OPA3: variants seen among roughly 807,000 people sequenced by gnomAD.
OPA3 encodes optic atrophy 3 protein.
A neutral mutation model predicts 4.0 loss-of-function variants in OPA3; 6 were observed. The observed-to-expected ratio is 1.51, with a 90% CI of 0.83 to 2.99. OPA3 has a LOEUF of 2.99. Ranked by LOEUF, OPA3 falls within the 30% of genes most tolerant of loss-of-function variation. The probability of loss-of-function intolerance (pLI) is 0.00; values close to 1 mark genes in which losing one functional copy is unlikely to be tolerated. For missense variants in OPA3, 235 were observed against 256.2 expected, an observed-to-expected ratio of 0.92 and a Z score of 0.56; for synonymous variants, 105 against 117.1, an observed-to-expected ratio of 0.90 and a Z score of 0.67.
At chr19:45,579,110 A>G (rs766051636) in intron 1 of OPA3, among the ~76,000 whole-genome samples, 1 of 152,130 alleles carries the variant, frequency 6.6e-6, no homozygotes, top group Non-Finnish European at 1.5e-5. Flanking sequence ...GCATATTTTC[A>G]GTGAGTTCTC....
chr19:45,581,472 G>C (rs987460961), intron 1 of OPA3, among the ~76,000 whole-genome samples: 6 of 152,212 alleles, frequency 3.9e-5, no homozygotes, highest in African/African-American at 1.4e-4. Context: ...TGCCATGTCA[G>C]GTGCCCAGTG....
intron 1 of OPA3, among the ~76,000 whole-genome samples, chr19:45,569,389 G>A (rs1969628529): frequency 6.6e-6 from 1 of 152,298 alleles, no homozygotes; most frequent in African/African-American, 2.4e-5. Flanking sequence ...AACCCAGGAG[G>A]CAGAGGTTGT....
chr19:45,546,498 G>GTTT lies in OPA3; in HGVS notation c.*7015_*7016insAAA. The GTTT allele has an allele frequency of 3.4e-6, 2 of 586,818 alleles. No individual in the cohort carries two copies. The highest frequency in any genetic ancestry group is 2.1e-6 in the Non-Finnish European group (1 of 468,664). 36.4% of individuals were successfully genotyped at this position (586,818 alleles called of 1,614,324 possible). A position where few individuals can be genotyped will look rare whatever the true frequency, so the allele number is the denominator to read the frequency against. ...GCACACGATGGATTACATAAACTCT[G>GTTT]CTTTTTTTTTTTTTTGAGACAGGGT... On this transcript the variant is annotated 3_prime_UTR_variant, in exon 2 of 2. Coordinates refer to ENST00000263275, the MANE Select transcript of OPA3 (RefSeq NM_025136.4).
At chr19:45,569,662 G>C (rs1969632856) in intron 1 of OPA3, among the ~76,000 whole-genome samples, 1 of 152,028 alleles carries the variant, frequency 6.6e-6, no homozygotes, top group African/African-American at 2.4e-5. Flanking sequence ...GGAGTTTCCT[G>C]GGGGCTTCTG....
intron 1 of OPA3, among the ~76,000 whole-genome samples, chr19:45,540,498 C>A (rs1355378380): frequency 5.4e-5 from 8 of 146,910 alleles, no homozygotes; most frequent in Non-Finnish European, 8.9e-5. Flanking sequence ...GAGGTTGAGG[C>A]TGCAGTGAGC....
chr19:45,545,164 CA>C (rs779193252), downstream of OPA3, among the ~76,000 whole-genome samples: 9 of 40,818 alleles, frequency 2.2e-4, no homozygotes, highest in East Asian at 3.6e-3. Flanking sequence ...GACACCGTCT[CA>C]AAAAAAAAAA....
intron 1 of OPA3, among the ~76,000 whole-genome samples, chr19:45,560,160 G>C (rs1969482904): frequency 6.6e-6 from 1 of 151,942 alleles, no homozygotes. Context: ...TCTCCTCCCT[G>C]AACTCTCTCC....
chr19:45,553,643 C>T lies in OPA3; in HGVS notation c.411G>A (p.Gln137=). The stretch of plus-strand genomic sequence containing the variant: ...GTGGCGGCGCCGCCTGCACCTGCGC[C>T]TGCAGCGCTTCCAGCGCCAGCGCCA... The part of the protein sequence containing the change: ...GHLALALEAL[Q]AQVQAAPPQG... The change falls in exon 2 of 2, where the codon CAG becomes CAA. Residue 137 remains glutamine (Q), a synonymous_variant. Transcript: ENST00000263275. The T allele has an allele frequency of 6.2e-7, 1 of 1,606,014 alleles. No individual in the cohort carries two copies. Among genetic ancestry groups the T allele is most frequent in the Non-Finnish European group, 8.5e-7 (1 of 1,178,430 alleles).
At chr19:45,540,364 G>A (rs1397162261) in intron 1 of OPA3, among the ~76,000 whole-genome samples, 1 of 151,566 alleles carries the variant, frequency 6.6e-6, no homozygotes, top group African/African-American at 2.4e-5. Flanking sequence ...AACAAAGGGT[G>A]AGTTTCATGG....
At chr19:45,562,358 A>G (rs1157560790) in intron 1 of OPA3, among the ~76,000 whole-genome samples, 57 of 146,158 alleles carry the variant, frequency 3.9e-4, no homozygotes, top group East Asian at 1.2e-3. Flanking sequence ...AAAAAAAAAA[A>G]AAAAAGAAAA....
intron 1 of OPA3, among the ~76,000 whole-genome samples, chr19:45,576,257 G>A (rs961085029): frequency 2.6e-5 from 4 of 151,332 alleles, no homozygotes; most frequent in South Asian, 2.1e-4. Context: ...AAAACTGGGC[G>A]CAGTGGCTCA....
In OPA3 at chr19:45,550,613, C is replaced by T. The variant is rs1969318322; in HGVS notation, c.*2901G>A. The T allele has an allele frequency of 1.0e-6, 1 of 985,974 alleles. No individual in the cohort carries two copies. Among genetic ancestry groups the T allele is most frequent in the South Asian group, 4.7e-5 (1 of 21,294 alleles). The allele number at this position is 985,974 out of a possible 1,614,324, so 61.1% of individuals were successfully genotyped here. On this transcript the variant is annotated 3_prime_UTR_variant, in exon 2 of 2. Coordinates refer to ENST00000263275, the MANE Select transcript of OPA3 (RefSeq NM_025136.4). The stretch of plus-strand genomic sequence containing the variant: ...CCCTCACTGGCTGTGGCATCTCTGG[C>T]AAGTCCCTTTGCTTACCCCTGGCCT...
chr19:45,553,274 T>C lies in OPA3; in HGVS notation c.*240A>G. On this transcript the variant is annotated 3_prime_UTR_variant, in exon 2 of 2. Coordinates refer to ENST00000263275, the MANE Select transcript of OPA3 (RefSeq NM_025136.4). ...CTGCTGGCTGGGACCTTGCAGGTCG[T>C]CCTGGTTTGGAGTGGGGGATAGGAG... 2 of 1,425,390 alleles carry C rather than the reference T, an allele frequency of 1.4e-6. No homozygotes were observed. The highest frequency in any genetic ancestry group is 2.9e-5 in the Admixed American group (1 of 34,900). 88.3% of individuals were successfully genotyped at this position (1,425,390 alleles called of 1,614,324 possible). A position where few individuals can be genotyped will look rare whatever the true frequency, so the allele number is the denominator to read the frequency against.
At chr19:45,575,546 G>A (rs541098446) in intron 1 of OPA3, among the ~76,000 whole-genome samples, 4 of 152,270 alleles carry the variant, frequency 2.6e-5, no homozygotes, top group East Asian at 1.9e-4. Context: ...TGATCATGGT[G>A]TATCTGTTTC....
chr19:45,580,882 C>T (rs1969845424), intron 1 of OPA3, among the ~76,000 whole-genome samples: 1 of 152,228 alleles, frequency 6.6e-6, no homozygotes, highest in Admixed American at 6.5e-5. Context: ...TTCCAAAGTG[C>T]TGGGATTACA....
intron 1 of OPA3, among the ~76,000 whole-genome samples, chr19:45,573,257 C>T (rs1969715165): frequency 6.6e-6 from 1 of 151,920 alleles, no homozygotes; most frequent in Admixed American, 6.6e-5. Context: ...TGTCCCCACC[C>T]AAATCTCATC....
chr19:45,583,495 G>C (rs550237541), intron 1 of OPA3, among the ~76,000 whole-genome samples: 1 of 150,742 alleles, frequency 6.6e-6, no homozygotes, highest in South Asian at 2.1e-4. Context: ...TGTTTACTAA[G>C]CCCTTTATTT....
At chr19:45,584,260 G>C in intron 1 of OPA3, 4 of 868,628 alleles carry the variant, frequency 4.6e-6, no homozygotes, top group Non-Finnish European at 5.5e-6. Flanking sequence ...GCCGGGCAAA[G>C]GACCCCGTCC....
At chr19:45,530,514 G>GA (rs1969047875) in intron 1 of OPA3, among the ~76,000 whole-genome samples, 2 of 148,030 alleles carry the variant, frequency 1.4e-5, no homozygotes, top group Non-Finnish European at 1.5e-5. Flanking sequence ...ATGTATGTAT[G>GA]GTTTTTTTTT....
Sources: gnomAD v4.1 joint callset for allele counts (sites outside exome capture counted in the v4.1 genomes callset) on GRCh38, gnomAD v4.1.1 for gene constraint, MANE v1.5 for transcripts, NCBI Gene and HGNC (gene_info 2026-07-23, HGNC 2026-07-21) for gene names.